The following SUPT5H variants were observed in gnomAD, a reference collection of about 807,000 sequenced individuals.
SUPT5H encodes the protein SPT5 homolog, DSIF elongation factor subunit, also known as transcription elongation factor SPT5.
SUPT5H carries 24 observed loss-of-function variants against 142.5 expected under a neutral mutation model. The ratio of observed to expected loss-of-function variants is 0.17; its 90% CI spans 0.12 to 0.24. The LOEUF (loss-of-function observed/expected upper bound fraction) is 0.24. Ranked by LOEUF, SUPT5H falls within the 10% of genes least tolerant of loss-of-function variation. The pLI is 1.00. For synonymous variants in SUPT5H, 546 were observed against 553.0 expected (o/e 0.99, Z 0.18); for missense variants, 893 against 1,471.8 (o/e 0.61, Z 6.43).
intron 3 of SUPT5H, among the ~76,000 whole-genome samples, chr19:39,454,493 T>C (rs924825512): frequency 6.6e-6 from 1 of 151,818 alleles, no homozygotes; most frequent in African/African-American, 2.4e-5. Context: ...TACGGGCACG[T>C]GCCACCATGC....
At chr19:39,451,907 C>T (rs938370229) in intron 2 of SUPT5H, among the ~76,000 whole-genome samples, 4 of 152,026 alleles carry the variant, frequency 2.6e-5, no homozygotes, top group Admixed American at 2.0e-4. Context: ...TGGAAGAAGT[C>T]GTGAAGTTCA....
At chr19:39,464,569 T>A (rs1377275557) in intron 10 of SUPT5H, among the ~76,000 whole-genome samples, 1 of 152,224 alleles carries the variant, frequency 6.6e-6, no homozygotes, top group Non-Finnish European at 1.5e-5. Context: ...CATGGTACAT[T>A]AAGCCATAAG....
At chr19:39,456,037 C>T (rs1435492722) in intron 3 of SUPT5H, among the ~76,000 whole-genome samples, 3 of 144,700 alleles carry the variant, frequency 2.1e-5, no homozygotes, top group African/African-American at 7.7e-5. Flanking sequence ...AGGGATTCTC[C>T]TGTCTCAGCT....
rs750981087 is a variant in SUPT5H at position 39,472,947 on chromosome 19, TGGAGGCCTGG to T, written c.2155+24_2155+33del. On this transcript the variant is annotated intron_variant, in intron 22 of 29. Coordinates refer to ENST00000432763, the MANE Select transcript of SUPT5H (RefSeq NM_001111020.3). This position sits in a 1 kb window ranked among gnomAD's most constrained non-coding sequence, Gnocchi z 4.2. ...CTACAAAGGTGACCTGCGAGGCCTG[TGGAGGCCTGG>T]GGAGGGGCATGGTGAAGGAGAGCCT... 83 of 1,611,368 alleles carry T rather than the reference TGGAGGCCTGG, an allele frequency of 5.2e-5. No individual in the cohort carries two copies. In the East Asian group the frequency reaches 1.6e-3, roughly 30 times the overall value.
intron 3 of SUPT5H, among the ~76,000 whole-genome samples, chr19:39,457,442 T>TA (rs1460255375): frequency 6.6e-6 from 1 of 152,074 alleles, no homozygotes; most frequent in Non-Finnish European, 1.5e-5. Context: ...GGGAGTGGAG[T>TA]AAGGAGAGGG....
In SUPT5H at chr19:39,458,876, A is replaced by G; in HGVS notation, c.378A>G (p.Gln126=). The part of the protein sequence containing the change: ...DEDRSGARRL[Q]NLWRDQREEE... ...ATCGTTCTGGGGCTCGCCGCCTGCAAAACCTCTGGAGGTGGGCAAGGAAGG... is the reference window on the plus strand; with the variant it reads ...ATCGTTCTGGGGCTCGCCGCCTGCAGAACCTCTGGAGGTGGGCAAGGAAGG... Residue 126 remains glutamine (Q), a synonymous_variant, in exon 6 of 30, where the codon CAA becomes CAG. Transcript: ENST00000432763. The surrounding 1 kb of genome is among the most constrained non-coding windows in gnomAD (Gnocchi z 4.2). 1 of 1,613,818 alleles carries G rather than the reference A, an allele frequency of 6.2e-7. No individual in the cohort carries two copies. Among genetic ancestry groups the G allele is most frequent in the Non-Finnish European group, 8.5e-7 (1 of 1,179,804 alleles).
At chr19:39,463,969 G>A (rs2079199893) in intron 10 of SUPT5H, among the ~76,000 whole-genome samples, 1 of 147,620 alleles carries the variant, frequency 6.8e-6, no homozygotes, top group African/African-American at 2.5e-5. Context: ...TCCTTTCTTG[G>A]TTCTTCTTCT....
At position 39,459,873 on chromosome 19, in the gene SUPT5H, T is replaced by C. The variant is rs948721774; in HGVS notation, c.556-19T>C. The C allele has an allele frequency of 1.2e-6, 2 of 1,613,866 alleles. No individual in the cohort carries two copies. The highest frequency in any genetic ancestry group is 1.7e-6 in the Non-Finnish European group (2 of 1,179,914). ...CCTCCATCCTGTCATCTCTCTCAAA[T>C]CTGCCTCTCATCTTCCAGATTGGGG... On this transcript the variant is annotated intron_variant, in intron 9 of 29. Coordinates refer to ENST00000432763, the MANE Select transcript of SUPT5H (RefSeq NM_001111020.3).
Position 39,445,859 on chromosome 19 carries a change from A to G in SUPT5H, c.-32A>G. 6.2e-7 allele frequency: 1 copy of G among 1,610,416 alleles called. No homozygotes were observed. The highest frequency in any genetic ancestry group is 8.5e-7 in the Non-Finnish European group (1 of 1,178,696). ...GGAGCGCAGGATTGTGGGACGCGCC[A>G]AGGCTGCTGTCTTTCCCAGCAGCAG... On this transcript the variant is annotated 5_prime_UTR_variant, in exon 2 of 30. Coordinates refer to ENST00000432763, the MANE Select transcript of SUPT5H (RefSeq NM_001111020.3).
At chr19:39,457,934 C>T (rs893980838) in intron 4 of SUPT5H, 194 bp downstream of exon 4, 1 of 1,054,378 alleles carries the variant, frequency 9.5e-7, no homozygotes, top group Non-Finnish European at 1.4e-6. Flanking sequence ...GGGGTGGGGC[C>T]CTGGGGTGGG....
In SUPT5H at chr19:39,458,122, C is replaced by G; in HGVS notation, c.308-172C>G. 8.7e-7 allele frequency: 1 copy of G among 1,153,058 alleles called. No individual in the cohort carries two copies. The highest frequency in any genetic ancestry group is 2.6e-5 in the East Asian group (1 of 38,832). The allele number at this position is 1,153,058 out of a possible 1,614,324, so 71.4% of individuals were successfully genotyped here. On this transcript the variant is annotated intron_variant, in intron 4 of 29. Coordinates refer to ENST00000432763, the MANE Select transcript of SUPT5H (RefSeq NM_001111020.3). This position sits in a 1 kb window ranked among gnomAD's most constrained non-coding sequence, Gnocchi z 4.2. ...TCGGCTTCTCCCCAACCACCTGGTG[C>G]CTGGCCTTTACTTTTGGTTTTCAAC... is the stretch of plus-strand genomic sequence containing the variant.
At chr19:39,451,345 C>A (rs1192739465) in intron 2 of SUPT5H, among the ~76,000 whole-genome samples, 1 of 151,416 alleles carries the variant, frequency 6.6e-6, no homozygotes, top group Non-Finnish European at 1.5e-5. Context: ...TGCCACCATG[C>A]CTGGCTAGGT....
chr19:39,470,274 G>A lies in SUPT5H; in HGVS notation c.1530G>A (p.Glu510=), dbSNP rs1450483497. Reference sequence around the variant, plus strand: ...TGTTCTCTGACCTCACCATGCATGAGGTAGGTGGATAGAAGGGTCGGGGAA... The same window carrying A: ...TGTTCTCTGACCTCACCATGCATGAAGTAGGTGGATAGAAGGGTCGGGGAA... The part of the protein sequence containing the change: ...VILFSDLTMH[E]LKVLPRDLQL... The change falls in exon 17 of 30, where the codon GAG becomes GAA. Residue 510 remains glutamate, a splice_region_variant and synonymous_variant. Transcript: ENST00000432763. The surrounding 1 kb of genome is among the most constrained non-coding windows in gnomAD (Gnocchi z 5.8). 1.3e-6 allele frequency: 2 copies of A among 1,565,838 alleles called. No homozygotes were observed. The highest frequency in any genetic ancestry group is 1.7e-6 in the Non-Finnish European group (2 of 1,149,870).
chr19:39,452,524 C>CA (rs2079033648), intron 2 of SUPT5H, among the ~76,000 whole-genome samples: 3 of 151,952 alleles, frequency 2.0e-5, no homozygotes, highest in African/African-American at 4.8e-5. Context: ...AGCATTTCTC[C>CA]AGGGAGGGCA....
At position 39,471,707 on chromosome 19, in the gene SUPT5H, C is replaced by T. The variant is rs753274930; in HGVS notation, c.1927C>T (p.Leu643=). ...GGMFVCKTRH[L]VLAGGSKPRD... ...CATGTTTGTCTGCAAGACCCGCCAC[C>T]TGGTGCTGGCTGGGGGCTCAAAGGT... Residue 643 remains leucine, a synonymous_variant, in exon 20 of 30, where the codon CTG becomes TTG. Coordinates refer to ENST00000432763, the MANE Select transcript of SUPT5H (RefSeq NM_001111020.3). 18 of 1,613,916 alleles carry T rather than the reference C, an allele frequency of 1.1e-5. No individual in the cohort carries two copies. In the Admixed American group the frequency reaches 2.8e-4, roughly 25 times the overall value.
At chr19:39,449,960 C>T (rs1376267851) in intron 2 of SUPT5H, among the ~76,000 whole-genome samples, 3 of 133,426 alleles carry the variant, frequency 2.2e-5, no homozygotes, top group African/African-American at 8.6e-5. Flanking sequence ...TTTTTTGAGA[C>T]AGGGTCTCAC....
chr19:39,471,051 G>C (rs1345853714), intron 18 of SUPT5H, among the ~76,000 whole-genome samples: 1 of 152,158 alleles, frequency 6.6e-6, no homozygotes, highest in Non-Finnish European at 1.5e-5. Context: ...TACGGGGCCT[G>C]ACACAGAATG....
Position 39,458,968 on chromosome 19 carries a change from C to T in SUPT5H, c.390-37C>T. The T allele has an allele frequency of 1.9e-6, 3 of 1,614,120 alleles. No homozygotes were observed. Among genetic ancestry groups the T allele is most frequent in the Non-Finnish European group, 2.5e-6 (3 of 1,179,990 alleles). ...AGGTCAGCCCACCTGCTGTCCTCAACCTTCAATTCGTGTTTGCTTCCCCAC... is the reference window on the plus strand; with the variant it reads ...AGGTCAGCCCACCTGCTGTCCTCAATCTTCAATTCGTGTTTGCTTCCCCAC... On this transcript the variant is annotated intron_variant, in intron 6 of 29. Transcript: ENST00000432763. This position sits in a 1 kb window ranked among gnomAD's most constrained non-coding sequence, Gnocchi z 4.2.
At position 39,458,823 on chromosome 19, in the gene SUPT5H, A is replaced by C; in HGVS notation, c.325A>C (p.Asn109His). 6.2e-7 allele frequency: 1 copy of C among 1,611,056 alleles called. No homozygotes were observed. The highest frequency in any genetic ancestry group is 8.5e-7 in the Non-Finnish European group (1 of 1,178,108). ...ILEKEEIEASNIDNVVLDEDR... is the reference protein window; with the variant it reads ...ILEKEEIEASHIDNVVLDEDR... ...CTCTGCCCATTATTTTTCAGCCTCC[A>C]ATATCGATAATGTTGTCCTGGATGA... is the stretch of plus-strand genomic sequence containing the variant. The change falls in exon 6 of 30, where the codon AAT becomes CAT. Residue 109 changes from asparagine (N) to histidine (H), a missense_variant. Physicochemically the swap from Asn to His is moderately conservative, Grantham distance 68. This residue lies in a region of SUPT5H where 428 missense variants were observed against 763.5 expected (regional missense o/e 0.56). Transcript: ENST00000432763. This position sits in a 1 kb window ranked among gnomAD's most constrained non-coding sequence, Gnocchi z 4.2.
Sources: allele counts gnomAD v4.1 joint callset (sites outside exome capture counted in the v4.1 genomes callset), GRCh38; gene constraint gnomAD v4.1.1; regional missense constraint gnomAD v4.1.1; non-coding constraint Gnocchi (gnomAD v3.1); transcripts MANE v1.5; gene names NCBI Gene and HGNC (gene_info 2026-07-23, HGNC 2026-07-21).